The following CSMD1 variants were observed in gnomAD, a reference collection of about 807,000 sequenced individuals.
CSMD1 encodes CUB and sushi domain-containing protein 1.
In CSMD1, 213 loss-of-function variants were observed where a neutral mutation model predicts 417.5. The ratio of observed to expected loss-of-function variants is 0.51; its 90% CI spans 0.46 to 0.57. CSMD1 has a LOEUF of 0.57. Among genes scored for constraint, CSMD1 ranks in the 20% least tolerant of loss-of-function variants. The probability of loss-of-function intolerance (pLI) is 0.00; values close to 1 mark genes in which losing one functional copy is unlikely to be tolerated. For missense variants in CSMD1, 6,923 were observed against 4,529.7 expected (o/e 1.53, Z -15.17); for synonymous variants, 2,862 against 1,736.8 (o/e 1.65, Z -16.11).
intron 21 of CSMD1, among the ~76,000 whole-genome samples, chr8:3,355,528 A>G (rs1808720728): frequency 6.6e-6 from 1 of 152,162 alleles, no homozygotes; most frequent in African/African-American, 2.4e-5. Flanking sequence ...ATGGGACTCA[A>G]TGTGGGCCAA....
chr8:4,532,965 C>T (rs1023417001), intron 2 of CSMD1, among the ~76,000 whole-genome samples: 1 of 152,142 alleles, frequency 6.6e-6, no homozygotes, highest in Non-Finnish European at 1.5e-5. Flanking sequence ...AAATCCTGCA[C>T]CGTCATTCAC....
intron 49 of CSMD1, among the ~76,000 whole-genome samples, chr8:3,083,631 TATATATATATATA>T (rs1814281853): frequency 3.0e-5 from 1 of 33,346 alleles, no homozygotes; most frequent in Non-Finnish European, 5.6e-5. Flanking sequence ...TATATATATA[TATATATATATATA>T]TATATTTTTT....
intron 5 of CSMD1, among the ~76,000 whole-genome samples, chr8:3,895,606 A>G (rs973025525): frequency 6.6e-6 from 1 of 152,340 alleles, no homozygotes; most frequent in East Asian, 1.9e-4. Flanking sequence ...TATATGTACC[A>G]TTTAGTAAAG....
In CSMD1 at chr8:3,253,582, C is replaced by G. The variant is rs142267519; in HGVS notation, c.4154-23351G>C. ...GTGCTGAGTTCAATTCCTGGATATC[C>G]TTTTTAACTTCCTGTCTCATTGATC... On this transcript the variant is annotated intron_variant, in intron 26 of 69. Coordinates refer to ENST00000635120, the MANE Select transcript of CSMD1 (RefSeq NM_033225.6). Among the ~76,000 whole-genome samples the G allele has an allele frequency of 5.3e-3, 801 of 152,222 alleles. 11 individuals carry two copies. Among genetic ancestry groups the G allele is most frequent in the African/African-American group, 0.018 (747 of 41,528 alleles).
intron 2 of CSMD1, among the ~76,000 whole-genome samples, chr8:4,475,109 G>C (rs559115306): frequency 6.6e-6 from 1 of 152,278 alleles, no homozygotes; most frequent in Non-Finnish European, 1.5e-5. Context: ...AAATGGATAT[G>C]TGTTTTAGGA....
At chr8:3,992,795 A>G (rs1198584410) in intron 5 of CSMD1, among the ~76,000 whole-genome samples, 1 of 152,248 alleles carries the variant, frequency 6.6e-6, no homozygotes, top group Non-Finnish European at 1.5e-5. Context: ...TTAAAAAATT[A>G]TAAAGGAAAG....
chr8:3,125,973 C>T (rs10866947), intron 41 of CSMD1, among the ~76,000 whole-genome samples: 50,889 of 152,014 alleles, frequency 0.33, 13,149 homozygotes, highest in African/African-American at 0.72. Context: ...TTAGACTCCA[C>T]CTCAAAAAAA....
At chr8:3,241,359 G>T (rs1016275693) in intron 26 of CSMD1, among the ~76,000 whole-genome samples, 1 of 151,948 alleles carries the variant, frequency 6.6e-6, no homozygotes, top group Non-Finnish European at 1.5e-5. Context: ...GTAATGTGGA[G>T]TGGGTAGCCT....
At chr8:4,463,512 TGTCA>T (rs1465536448) in intron 2 of CSMD1, among the ~76,000 whole-genome samples, 4 of 152,118 alleles carry the variant, frequency 2.6e-5, no homozygotes, top group Non-Finnish European at 5.9e-5. Flanking sequence ...ACAATACAAA[TGTCA>T]GTCAACCGAT....
chr8:4,349,107 T>A lies in CSMD1; in HGVS notation c.415+70846A>T, dbSNP rs572502138. Among the ~76,000 whole-genome samples, 14 of 152,334 alleles carry A rather than the reference T, an allele frequency of 9.2e-5. 1 individual carries two copies. In the South Asian group the frequency reaches 2.9e-3, roughly 32 times the overall value. On this transcript the variant is annotated intron_variant, in intron 3 of 69. Transcript: ENST00000635120. ...CTCAAATTACAAAATGAGCTGAAGTTTGAAGATAAGTAAAATTCAGTCTGA... is the reference window on the plus strand; with the variant it reads ...CTCAAATTACAAAATGAGCTGAAGTATGAAGATAAGTAAAATTCAGTCTGA...
At chr8:3,417,311 G>A (rs1813219820) in intron 12 of CSMD1, among the ~76,000 whole-genome samples, 1 of 152,080 alleles carries the variant, frequency 6.6e-6, no homozygotes, top group East Asian at 1.9e-4. Flanking sequence ...TAGCTGTTCA[G>A]GAAATATTTC....
intron 11 of CSMD1, among the ~76,000 whole-genome samples, chr8:3,476,641 G>A (rs920491439): frequency 1.3e-5 from 2 of 152,056 alleles, no homozygotes; most frequent in Non-Finnish European, 2.9e-5. Context: ...AATCAGCCAG[G>A]CTTGGTGGCT....
At chr8:4,603,136 G>C (rs989578996) in intron 2 of CSMD1, among the ~76,000 whole-genome samples, 2 of 151,960 alleles carry the variant, frequency 1.3e-5, no homozygotes, top group Non-Finnish European at 2.9e-5. Flanking sequence ...TTTTTATGGA[G>C]ACATAGCTAT....
chr8:3,409,039 G>A (rs17066021), intron 13 of CSMD1, among the ~76,000 whole-genome samples: 21,190 of 151,980 alleles, frequency 0.14, 1,522 homozygotes, highest in East Asian at 0.2. Flanking sequence ...ACCCATGCTC[G>A]CACTGGTGAA....
intron 7 of CSMD1, among the ~76,000 whole-genome samples, chr8:3,655,414 A>G (rs1299819616): frequency 6.6e-6 from 1 of 152,196 alleles, no homozygotes; most frequent in African/African-American, 2.4e-5. Context: ...CTCTTTTAAG[A>G]TAACATTTAA....
intron 5 of CSMD1, among the ~76,000 whole-genome samples, chr8:3,791,891 G>A (rs1011248725): frequency 1.3e-5 from 2 of 152,028 alleles, no homozygotes; most frequent in African/African-American, 4.8e-5. Context: ...AGTAATTGCA[G>A]TTTTTGGCAT....
At chr8:3,901,333 T>C (rs545042604) in intron 5 of CSMD1, among the ~76,000 whole-genome samples, 6 of 152,322 alleles carry the variant, frequency 3.9e-5, no homozygotes, top group African/African-American at 1.4e-4. Flanking sequence ...TTCAACCCAA[T>C]CTCCAATTTA....
intron 37 of CSMD1, among the ~76,000 whole-genome samples, chr8:3,179,998 T>C (rs1422399233): frequency 6.6e-6 from 1 of 152,222 alleles, no homozygotes; most frequent in East Asian, 1.9e-4. Flanking sequence ...AAAATATGCA[T>C]GCATTTACAT....
At chr8:3,254,509 C>T (rs931823343) in intron 26 of CSMD1, among the ~76,000 whole-genome samples, 5 of 152,178 alleles carry the variant, frequency 3.3e-5, no homozygotes, top group Non-Finnish European at 7.3e-5. Context: ...CTTTCAGGTA[C>T]ACCAATCAGA....
Sources: gnomAD v4.1 joint callset for allele counts (sites outside exome capture counted in the v4.1 genomes callset) on GRCh38, gnomAD v4.1.1 for gene constraint, MANE v1.5 for transcripts, NCBI Gene and HGNC (gene_info 2026-07-23, HGNC 2026-07-21) for gene names.